The following CUX2 variants were observed in gnomAD, a reference collection of about 807,000 sequenced individuals.
CUX2 encodes the protein homeobox protein cut-like 2.
A neutral mutation model predicts 144.8 loss-of-function variants in CUX2; 40 were observed. That is an observed-to-expected ratio of 0.28 (90% CI 0.21 to 0.36). The LOEUF is 0.36. Among genes scored for constraint, CUX2 ranks in the 10% least tolerant of loss-of-function variants. The probability of loss-of-function intolerance (pLI) is 1.00; values close to 1 mark genes in which losing one functional copy is unlikely to be tolerated. For missense variants in CUX2, 1,615 were observed against 1,994.0 expected (o/e 0.81, Z 3.62); for synonymous variants, 827 against 875.6 (o/e 0.94, Z 0.98).
At chr12:111,038,040 C>T (rs569391425) in intron 1 of CUX2, among the ~76,000 whole-genome samples, 8 of 152,274 alleles carry the variant, frequency 5.3e-5, no homozygotes, top group South Asian at 4.1e-4. Flanking sequence ...AAAGAGAGGC[C>T]GGACTTTTCC....
intron 1 of CUX2, among the ~76,000 whole-genome samples, chr12:111,090,512 G>A (rs1872496990): frequency 6.6e-6 from 1 of 152,144 alleles, no homozygotes; most frequent in African/African-American, 2.4e-5. Flanking sequence ...TGATCCACCT[G>A]CCTCAGCCTC....
intron 21 of CUX2, among the ~76,000 whole-genome samples, chr12:111,342,286 C>T (rs1183566245): frequency 6.6e-6 from 1 of 151,728 alleles, no homozygotes; most frequent in African/African-American, 2.4e-5. Flanking sequence ...GAGACCAGCC[C>T]TGGCAACATA....
At chr12:111,133,510 A>G (rs1308118727) in intron 1 of CUX2, among the ~76,000 whole-genome samples, 1 of 152,220 alleles carries the variant, frequency 6.6e-6, no homozygotes, top group Admixed American at 6.5e-5. Flanking sequence ...CATGAGAGTT[A>G]CTATCATGAG....
chr12:111,180,197 C>T (rs1045821587), intron 1 of CUX2, among the ~76,000 whole-genome samples: 1 of 151,948 alleles, frequency 6.6e-6, no homozygotes, highest in South Asian at 2.1e-4. Flanking sequence ...TTCGGGAACC[C>T]TCCACACCCC....
At chr12:111,090,323 G>A (rs1180089164) in intron 1 of CUX2, among the ~76,000 whole-genome samples, 6 of 152,178 alleles carry the variant, frequency 3.9e-5, no homozygotes, top group East Asian at 1.9e-4. Flanking sequence ...GAGTGCAGTG[G>A]CATGATCTCG....
intron 9 of CUX2, among the ~76,000 whole-genome samples, chr12:111,301,665 C>T (rs1886302565): frequency 6.6e-6 from 1 of 152,114 alleles, no homozygotes; most frequent in Non-Finnish European, 1.5e-5. Context: ...CCACCACAGC[C>T]GTAATTTTTT....
intron 21 of CUX2, among the ~76,000 whole-genome samples, chr12:111,342,518 A>G (rs1209669826): frequency 1.3e-5 from 2 of 151,896 alleles, no homozygotes; most frequent in African/African-American, 4.8e-5. Context: ...TGTGGAAGAA[A>G]TCCCAGCTCC....
At position 111,295,706 on chromosome 12, in the gene CUX2, C is replaced by T. The variant is rs1885942312; in HGVS notation, c.637+297C>T. On this transcript the variant is annotated intron_variant, in intron 7 of 21. Transcript: ENST00000261726. This position sits in a 1 kb window ranked among gnomAD's most constrained non-coding sequence, Gnocchi z 5.0. ...GCTGAAGTGGGAGGGTCGCTTGAAC[C>T]CCAGAGTTTGAGACCAGCCTGGGCA... 6.6e-6 allele frequency among the ~76,000 whole-genome samples: 1 copy of T among 151,868 alleles called. No homozygotes were observed. The highest frequency in any genetic ancestry group is 6.6e-5 in the Admixed American group (1 of 15,242).
At chr12:111,164,829 A>G (rs1445328326) in intron 1 of CUX2, among the ~76,000 whole-genome samples, 1 of 152,194 alleles carries the variant, frequency 6.6e-6, no homozygotes, top group African/African-American at 2.4e-5. Flanking sequence ...GGTCCACAGT[A>G]GAACTGAATT....
intron 3 of CUX2, among the ~76,000 whole-genome samples, chr12:111,254,665 T>G (rs933443870): frequency 9.9e-5 from 15 of 152,168 alleles, no homozygotes; most frequent in African/African-American, 3.4e-4. Context: ...ACCTGAAAGT[T>G]CAAAAGGAAT....
chr12:111,034,293 C>T lies in CUX2; in HGVS notation c.63+53C>T. ...GCCGTGAGGAGCCCCCGGGCGCGCCCTGGGCGCATTGGGGAGGTCCCCGGG... is the reference window on the plus strand; with the variant it reads ...GCCGTGAGGAGCCCCCGGGCGCGCCTTGGGCGCATTGGGGAGGTCCCCGGG... On this transcript the variant is annotated intron_variant, in intron 1 of 21. Coordinates refer to ENST00000261726, the MANE Select transcript of CUX2 (RefSeq NM_015267.4). This position sits in a 1 kb window ranked among gnomAD's most constrained non-coding sequence, Gnocchi z 4.2. 8.2e-7 allele frequency: 1 copy of T among 1,217,990 alleles called. No individual in the cohort carries two copies. Among genetic ancestry groups the T allele is most frequent in the Non-Finnish European group, 1.1e-6 (1 of 938,434 alleles). The allele number at this position is 1,217,990 out of a possible 1,614,324, so 75.4% of individuals were successfully genotyped here.
chr12:111,056,981 GA>G (rs1162224233), intron 1 of CUX2, among the ~76,000 whole-genome samples: 3 of 151,874 alleles, frequency 2.0e-5, no homozygotes, highest in African/African-American at 7.3e-5. Context: ...ATGTGTGGGG[GA>G]CAGAGTGTAA....
chr12:111,040,435 G>T (rs1239500760), intron 1 of CUX2, among the ~76,000 whole-genome samples: 1 of 151,566 alleles, frequency 6.6e-6, no homozygotes, highest in African/African-American at 2.4e-5. Context: ...CCTTCTCTTT[G>T]TCCCACAAAC....
intron 4 of CUX2, among the ~76,000 whole-genome samples, chr12:111,268,530 A>G (rs1252137185): frequency 6.6e-6 from 1 of 152,244 alleles, no homozygotes; most frequent in African/African-American, 2.4e-5. Flanking sequence ...TCACAGGAAC[A>G]GTCCAGCCAC....
chr12:111,314,185 T>C (rs1330492595), intron 16 of CUX2, among the ~76,000 whole-genome samples: 4 of 152,216 alleles, frequency 2.6e-5, no homozygotes, highest in African/African-American at 9.6e-5. Context: ...GCAGTAAACA[T>C]TTATTAAGCA....
intron 1 of CUX2, among the ~76,000 whole-genome samples, chr12:111,121,299 GAACT>G (rs1874649582): frequency 1.3e-5 from 2 of 151,428 alleles, no homozygotes; most frequent in East Asian, 3.9e-4. Context: ...CATGAGCATG[GAACT>G]TAAACTAGAA....
chr12:111,323,910 G>A (rs1442232739), intron 18 of CUX2, among the ~76,000 whole-genome samples: 3 of 152,040 alleles, frequency 2.0e-5, no homozygotes, highest in African/African-American at 4.8e-5. Context: ...AAAATTAGCC[G>A]GGTATGGTAG....
intron 1 of CUX2, among the ~76,000 whole-genome samples, chr12:111,069,544 G>GTA (rs1160484854): frequency 6.1e-5 from 9 of 146,774 alleles, no homozygotes; most frequent in African/African-American, 2.5e-4. Flanking sequence ...GTGTGTGTGT[G>GTA]TGTGTGTGCG....
chr12:111,295,418 C>CG lies in CUX2; in HGVS notation c.637+11dup. ...CAAAGTCCTACATTCAGGTATGTGT[C>CG]GGCACCATGTGGCCTAGAGGGAGGA... On this transcript the variant is annotated intron_variant, in intron 7 of 21. Transcript: ENST00000261726. The surrounding 1 kb of genome is among the most constrained non-coding windows in gnomAD (Gnocchi z 5.0). 6.2e-7 allele frequency: 1 copy of CG among 1,609,964 alleles called. No homozygotes were observed. The highest frequency in any genetic ancestry group is 8.5e-7 in the Non-Finnish European group (1 of 1,178,274).
Sources: allele counts gnomAD v4.1 joint callset (sites outside exome capture counted in the v4.1 genomes callset), GRCh38; gene constraint gnomAD v4.1.1; non-coding constraint Gnocchi (gnomAD v3.1); transcripts MANE v1.5; gene names NCBI Gene and HGNC (gene_info 2026-07-23, HGNC 2026-07-21).